LRP1B: variants seen among roughly 807,000 people sequenced by gnomAD.
LRP1B encodes the protein low-density lipoprotein receptor-related protein 1B.
In LRP1B, 217 loss-of-function variants were observed where a neutral mutation model predicts 556.6. The observed-to-expected ratio is 0.39, with a 90% CI of 0.35 to 0.44. The LOEUF (loss-of-function observed/expected upper bound fraction) is 0.44. LRP1B is among the 20% of genes least tolerant of loss of function. LRP1B has a pLI of 1.00. For synonymous variants in LRP1B, 2,047 were observed against 1,865.8 expected, an observed-to-expected ratio of 1.10 and a Z score of -2.50; for missense variants, 5,053 against 5,620.8, an observed-to-expected ratio of 0.90 and a Z score of 3.23.
chr2:142,013,174 G>A (rs888950052), intron 1 of LRP1B, among the ~76,000 whole-genome samples: 1 of 152,088 alleles, frequency 6.6e-6, no homozygotes, highest in Non-Finnish European at 1.5e-5. Context: ...GGTAAAAATG[G>A]CGCTCATAAT....
intron 41 of LRP1B, among the ~76,000 whole-genome samples, chr2:140,687,433 G>A (rs1004898419): frequency 4.6e-5 from 7 of 152,130 alleles, no homozygotes; most frequent in African/African-American, 1.2e-4. Context: ...TATCCTAGGC[G>A]TTGCAAATAA....
intron 3 of LRP1B, among the ~76,000 whole-genome samples, chr2:141,453,936 AG>A (rs925977528): frequency 6.7e-6 from 1 of 150,048 alleles, no homozygotes; most frequent in Non-Finnish European, 1.5e-5. Flanking sequence ...GAAAAAAAAA[AG>A]TTCTAGTGTT....
chr2:140,766,983 T>C (rs577632902), intron 35 of LRP1B, among the ~76,000 whole-genome samples: 1 of 151,428 alleles, frequency 6.6e-6, no homozygotes, highest in Non-Finnish European at 1.5e-5. Context: ...TTTGCTTACA[T>C]TGATCTAAAC....
chr2:140,481,345 G>T (rs1047093442), intron 59 of LRP1B, among the ~76,000 whole-genome samples: 10 of 151,840 alleles, frequency 6.6e-5, no homozygotes, highest in Admixed American at 5.3e-4. Context: ...GAAAAATCTG[G>T]GACCAAAGCC....
chr2:141,353,428 A>C (rs1241276733), intron 3 of LRP1B, among the ~76,000 whole-genome samples: 1 of 152,016 alleles, frequency 6.6e-6, no homozygotes, highest in Non-Finnish European at 1.5e-5. Context: ...AAATTCTGGA[A>C]GTATTGCCTG....
At chr2:141,767,057 G>GA (rs1163629671) in intron 2 of LRP1B, among the ~76,000 whole-genome samples, 1 of 152,042 alleles carries the variant, frequency 6.6e-6, no homozygotes, top group African/African-American at 2.4e-5. Flanking sequence ...ATAATGGACA[G>GA]AAAATCTCCT....
At chr2:140,370,474 C>A (rs1682946294) in intron 71 of LRP1B, among the ~76,000 whole-genome samples, 1 of 151,970 alleles carries the variant, frequency 6.6e-6, no homozygotes, top group Admixed American at 6.6e-5. Context: ...GGTAGACACT[C>A]AGTAAACACT....
intron 1 of LRP1B, among the ~76,000 whole-genome samples, chr2:141,960,161 A>G (rs1184680351): frequency 6.6e-6 from 1 of 151,840 alleles, no homozygotes; most frequent in African/African-American, 2.4e-5. Context: ...CTGTGAGAGT[A>G]TGGAGATAGC....
intron 23 of LRP1B, among the ~76,000 whole-genome samples, chr2:140,888,977 A>AAAC (rs1553553407): frequency 1.1e-4 from 17 of 151,096 alleles, no homozygotes; most frequent in African/African-American, 4.2e-4. Context: ...AAAAAAAAAA[A>AAAC]AAACTTGAAA....
intron 3 of LRP1B, among the ~76,000 whole-genome samples, chr2:141,425,250 C>T (rs1400917328): frequency 1.3e-5 from 2 of 151,700 alleles, no homozygotes; most frequent in Non-Finnish European, 2.9e-5. Flanking sequence ...GACATGAAGT[C>T]ATCATTTTTT....
At chr2:141,688,848 G>A (rs893037441) in intron 2 of LRP1B, among the ~76,000 whole-genome samples, 2 of 151,688 alleles carry the variant, frequency 1.3e-5, no homozygotes, top group African/African-American at 4.8e-5. Context: ...AGGATGGATG[G>A]GTAATAATGA....
intron 5 of LRP1B, among the ~76,000 whole-genome samples, chr2:141,246,843 T>C (rs1188158079): frequency 1.3e-5 from 2 of 152,074 alleles, no homozygotes; most frequent in African/African-American, 2.4e-5. Flanking sequence ...TGTGTGCCTG[T>C]AGTCCCAGCT....
chr2:140,749,987 G>A lies in LRP1B; in HGVS notation c.5758+19226C>T, dbSNP rs189115626. Among the ~76,000 whole-genome samples, 48 of 151,974 alleles carry A rather than the reference G, an allele frequency of 3.2e-4. 1 individual carries two copies. The highest frequency in any genetic ancestry group is 1.8e-3 in the Admixed American group (27 of 15,232). Reference sequence around the variant, plus strand: ...TGGGCAATAGAAATTTTTCATCTTCGTTATAATCTTATGGGACCACCTTTG... The same window carrying A: ...TGGGCAATAGAAATTTTTCATCTTCATTATAATCTTATGGGACCACCTTTG... On this transcript the variant is annotated intron_variant, in intron 35 of 90. Coordinates refer to ENST00000389484, the MANE Select transcript of LRP1B (RefSeq NM_018557.3).
At chr2:140,431,648 A>G (rs1234350891) in intron 66 of LRP1B, among the ~76,000 whole-genome samples, 1 of 152,142 alleles carries the variant, frequency 6.6e-6, no homozygotes, top group Non-Finnish European at 1.5e-5. Context: ...CTCTAATTAG[A>G]TGTCCTGGGT....
intron 3 of LRP1B, among the ~76,000 whole-genome samples, chr2:141,474,682 T>A (rs2105077053): frequency 6.6e-6 from 1 of 152,298 alleles, no homozygotes; most frequent in Admixed American, 6.5e-5. Context: ...TATAAGGGGA[T>A]CTTTTTCTTT....
chr2:141,792,441 GTT>G lies in LRP1B; in HGVS notation c.205+17836_205+17837del, dbSNP rs1695645414. ...GGACCCTGCATTTATGTTAATATAT[GTT>G]TCATCATGAAAAATTACCAGTGAAA... On this transcript the variant is annotated intron_variant, in intron 2 of 90. Transcript: ENST00000389484. Among the ~76,000 whole-genome samples, 5 of 151,856 alleles carry G rather than the reference GTT, an allele frequency of 3.3e-5. No homozygotes were observed. In the South Asian group the frequency reaches 1.0e-3, roughly 31 times the overall value.
chr2:141,165,820 C>G (rs1223993754), intron 7 of LRP1B, among the ~76,000 whole-genome samples: 1 of 152,026 alleles, frequency 6.6e-6, no homozygotes, highest in African/African-American at 2.4e-5. Flanking sequence ...TAACTCAATG[C>G]TAGCTATAAC....
At chr2:141,216,483 T>A (rs750353563) in intron 6 of LRP1B, among the ~76,000 whole-genome samples, 13 of 152,108 alleles carry the variant, frequency 8.5e-5, no homozygotes, top group Non-Finnish European at 1.9e-4. Flanking sequence ...CCACTCAGAG[T>A]TCCCAGTGGG....
At chr2:141,024,360 G>C (rs1395401798) in intron 11 of LRP1B, among the ~76,000 whole-genome samples, 1 of 151,902 alleles carries the variant, frequency 6.6e-6, no homozygotes, top group Non-Finnish European at 1.5e-5. Context: ...AAAATACCTT[G>C]ATGTTGTATT....
Sources: gnomAD v4.1 joint callset for allele counts (sites outside exome capture counted in the v4.1 genomes callset) on GRCh38, gnomAD v4.1.1 for gene constraint, MANE v1.5 for transcripts, NCBI Gene and HGNC (gene_info 2026-07-23, HGNC 2026-07-21) for gene names.